Variants in QRICH1 observed in about 807,000 individuals in gnomAD.
QRICH1 encodes the protein glutamine rich 1.
In QRICH1, 16 loss-of-function variants were observed where a neutral mutation model predicts 87.1. The observed-to-expected ratio is 0.18, with a 90% CI of 0.12 to 0.28. QRICH1 has a LOEUF of 0.28. Among genes scored for constraint, QRICH1 ranks in the 10% least tolerant of loss-of-function variants. The pLI, the probability that QRICH1 is intolerant of heterozygous loss-of-function variation, is 1.00. For missense variants in QRICH1, 647 were observed against 951.7 expected (o/e 0.68, Z 4.21); for synonymous variants, 367 against 368.4 (o/e 1.00, Z 0.05).
chr3:49,065,884 C>T (rs962971926), intron 2 of QRICH1, among the ~76,000 whole-genome samples: 6 of 152,112 alleles, frequency 3.9e-5, no homozygotes, highest in African/African-American at 7.2e-5. Flanking sequence ...GGGGTTTCAC[C>T]GTGTTAGCCA....
intron 3 of QRICH1, among the ~76,000 whole-genome samples, chr3:49,050,957 A>T (rs1001168148): frequency 6.6e-5 from 10 of 152,088 alleles, no homozygotes; most frequent in Admixed American, 5.9e-4. Flanking sequence ...GGAGCAACCC[A>T]TCTTTCCCCC....
chr3:49,052,804 A>G (rs1330625756), intron 3 of QRICH1, among the ~76,000 whole-genome samples: 1 of 152,168 alleles, frequency 6.6e-6, no homozygotes, highest in Non-Finnish European at 1.5e-5. Context: ...CGCCTGGCCA[A>G]TTCTGCCACT....
chr3:49,058,090 T>C, intron 2 of QRICH1, 200 bp from the exon 3 acceptor site: 2 of 854,604 alleles, frequency 2.3e-6, no homozygotes, highest in Non-Finnish European at 3.5e-6. Context: ...AACAGGGACA[T>C]ATATCCACCC....
chr3:49,091,899 C>T (rs1237954934), intron 1 of QRICH1, among the ~76,000 whole-genome samples: 3 of 151,978 alleles, frequency 2.0e-5, no homozygotes, highest in South Asian at 2.1e-4. Context: ...GGTGAAACCC[C>T]GTCTATACTA....
In QRICH1 at chr3:49,048,639, T is replaced by A. The variant is rs541769331; in HGVS notation, c.1339-1393A>T. Among the ~76,000 whole-genome samples, 5 of 150,622 alleles carry A rather than the reference T, an allele frequency of 3.3e-5. No homozygotes were observed. In the South Asian group the frequency reaches 1.1e-3, roughly 32 times the overall value. ...CCATCTCTACTAAAATACAAAAAAA[T>A]CAGCCGGGTGTGGTGGCGGGCGCCT... On this transcript the variant is annotated intron_variant, in intron 3 of 9. Transcript: ENST00000395443.
Position 49,029,974 on chromosome 3 carries a change from C to A in QRICH1, c.*478G>T. The A allele has an allele frequency of 5.2e-6, 1 of 192,648 alleles. No individual in the cohort carries two copies. Among genetic ancestry groups the A allele is most frequent in the Non-Finnish European group, 1.1e-5 (1 of 94,402 alleles). 11.9% of individuals were successfully genotyped at this position (192,648 alleles called of 1,614,324 possible). A position where few individuals can be genotyped will look rare whatever the true frequency, so the allele number is the denominator to read the frequency against. ...AATAAATCATAATTGAAGTTCCCCT[C>A]ATTTTTCTTCCATTAAGATGCTAAG... On this transcript the variant is annotated 3_prime_UTR_variant, in exon 10 of 10. Coordinates refer to ENST00000395443, the MANE Select transcript of QRICH1 (RefSeq NM_198880.3).
At chr3:49,049,699 T>C (rs1249304671) in intron 3 of QRICH1, among the ~76,000 whole-genome samples, 1 of 150,284 alleles carries the variant, frequency 6.7e-6, no homozygotes, top group African/African-American at 2.4e-5. Context: ...GGTTTCACCA[T>C]GTTGGCCAGG....
intron 6 of QRICH1, among the ~76,000 whole-genome samples, chr3:49,039,073 C>T (rs922239780): frequency 6.6e-6 from 1 of 151,288 alleles, no homozygotes; most frequent in African/African-American, 2.4e-5. Context: ...AAGACATAAC[C>T]GGGCCAGGCG....
At chr3:49,087,242 A>G (rs1417408983) in intron 1 of QRICH1, among the ~76,000 whole-genome samples, 1 of 143,924 alleles carries the variant, frequency 6.9e-6, no homozygotes, top group Non-Finnish European at 1.5e-5. Flanking sequence ...GGGCAACAAG[A>G]GCAAAACTCT....
At chr3:49,041,101 G>A (rs1211341189) in intron 6 of QRICH1, among the ~76,000 whole-genome samples, 1 of 152,054 alleles carries the variant, frequency 6.6e-6, no homozygotes, top group Non-Finnish European at 1.5e-5. Flanking sequence ...CCAAGTAGCT[G>A]GGATTACAGG....
At chr3:49,090,187 C>A (rs1188844957) in intron 1 of QRICH1, among the ~76,000 whole-genome samples, 5 of 152,180 alleles carry the variant, frequency 3.3e-5, no homozygotes, top group Non-Finnish European at 7.3e-5. Context: ...CAGCCGGGCA[C>A]AGTGGCTCAC....
chr3:49,035,759 G>A (rs1229961966), intron 6 of QRICH1, among the ~76,000 whole-genome samples: 1 of 152,104 alleles, frequency 6.6e-6, no homozygotes, highest in African/African-American at 2.4e-5. Flanking sequence ...TTGTACTCCA[G>A]CCTGGGAGAC....
chr3:49,076,594 A>G (rs2041956540), intron 2 of QRICH1, 115 bp downstream of exon 2: 1 of 1,050,816 alleles, frequency 9.5e-7, no homozygotes, highest in Non-Finnish European at 1.3e-6. Context: ...AACTTTGAAA[A>G]TCTTAGTGTT....
intron 6 of QRICH1, among the ~76,000 whole-genome samples, chr3:49,035,298 T>C (rs367696127): frequency 6.6e-5 from 10 of 152,296 alleles, no homozygotes; most frequent in Admixed American, 2.0e-4. Flanking sequence ...TCTTCAAATC[T>C]TGGGCTGAAG....
intron 1 of QRICH1, among the ~76,000 whole-genome samples, chr3:49,079,983 CG>C (rs2042027215): frequency 6.7e-6 from 1 of 149,602 alleles, no homozygotes; most frequent in Admixed American, 6.7e-5. Context: ...GAGCCGAGAT[CG>C]TGCCACTGCG....
In QRICH1 at chr3:49,087,747, G is replaced by T. The variant is rs1338435185; in HGVS notation, c.-22+6165C>A. ...AAATTAGCCAGGCGGGGTACCATGC[G>T]CCTGTAGTCCCAGCTACTCGGGAGG... On this transcript the variant is annotated intron_variant, in intron 1 of 9. Coordinates refer to ENST00000395443, the MANE Select transcript of QRICH1 (RefSeq NM_198880.3). Among the ~76,000 whole-genome samples, 8 of 126,070 alleles carry T rather than the reference G, an allele frequency of 6.3e-5. No homozygotes were observed. In the South Asian group the frequency reaches 2.0e-3, roughly 32 times the overall value. 82.7% of individuals were successfully genotyped at this position (126,070 alleles called of 152,430 possible).
At chr3:49,079,620 A>G (rs1304949206) in intron 1 of QRICH1, among the ~76,000 whole-genome samples, 1 of 152,002 alleles carries the variant, frequency 6.6e-6, no homozygotes, top group Non-Finnish European at 1.5e-5. Flanking sequence ...TTGCCTAACT[A>G]CAGATTCAGA....
At chr3:49,091,838 G>A (rs1041336528) in intron 1 of QRICH1, among the ~76,000 whole-genome samples, 2 of 152,112 alleles carry the variant, frequency 1.3e-5, no homozygotes, top group South Asian at 2.1e-4. Flanking sequence ...TTGGGAGGCC[G>A]AGGGCGGGTG....
At chr3:49,076,479 T>G (rs2041953844) in intron 2 of QRICH1, among the ~76,000 whole-genome samples, 2 of 151,204 alleles carry the variant, frequency 1.3e-5, no homozygotes, top group African/African-American at 4.9e-5. Flanking sequence ...AGCAGATCCC[T>G]GGCTGCAATC....
Sources: gnomAD v4.1 joint callset for allele counts (sites outside exome capture counted in the v4.1 genomes callset) on GRCh38, gnomAD v4.1.1 for gene constraint, MANE v1.5 for transcripts, NCBI Gene and HGNC (gene_info 2026-07-23, HGNC 2026-07-21) for gene names.